Variants in DSCAM observed in about 807,000 individuals in gnomAD.
DSCAM encodes the protein cell adhesion molecule DSCAM.
DSCAM carries 47 observed loss-of-function variants against 217.7 expected under a neutral mutation model. The ratio of observed to expected loss-of-function variants is 0.22; its 90% CI spans 0.17 to 0.28. DSCAM has a LOEUF of 0.28. Among genes scored for constraint, DSCAM ranks in the 10% least tolerant of loss-of-function variants. The pLI is 1.00. For missense variants in DSCAM, 2,080 were observed against 2,618.3 expected (o/e 0.79, Z 4.49); for synonymous variants, 1,056 against 1,015.3 (o/e 1.04, Z -0.76).
chr21:40,698,869 TAAAA>T (rs56775350), intron 2 of DSCAM, among the ~76,000 whole-genome samples: 11,668 of 108,108 alleles, frequency 0.11, 598 homozygotes, highest in Middle Eastern at 0.19. Context: ...GAATCCGTCT[TAAAA>T]AAAAAAAAAA....
chr21:40,425,379 T>G (rs145457693), intron 3 of DSCAM, among the ~76,000 whole-genome samples: 530 of 151,984 alleles, frequency 3.5e-3, no homozygotes, highest in Non-Finnish European at 5.0e-3. Context: ...TAACAAAAAT[T>G]ATGAGTGAGA....
chr21:40,349,253 G>A (rs2074603083), intron 5 of DSCAM, among the ~76,000 whole-genome samples: 2 of 151,376 alleles, frequency 1.3e-5, no homozygotes, highest in Admixed American at 6.6e-5. Flanking sequence ...TTTGCCCTGG[G>A]CCATTCTCAC....
In DSCAM at chr21:40,276,435, C is replaced by T. The variant is rs1158563668; in HGVS notation, c.2183-165G>A. Among the ~76,000 whole-genome samples the T allele has an allele frequency of 2.0e-5, 3 of 152,142 alleles. No homozygotes were observed. The East Asian group carries it at 5.8e-4, about 29-fold the overall frequency. On this transcript the variant is annotated intron_variant, in intron 10 of 32. Coordinates refer to ENST00000400454, the MANE Select transcript of DSCAM (RefSeq NM_001389.5). ...CTTTCTTTCCTCCAGTATTAAAATT[C>T]TTGTTTAGAGAGAAAAGCATTTATT...
intron 20 of DSCAM, among the ~76,000 whole-genome samples, chr21:40,105,995 A>G (rs1485507777): frequency 6.6e-6 from 1 of 152,184 alleles, no homozygotes; most frequent in East Asian, 1.9e-4. Context: ...CCATTTTTAT[A>G]CTGCTATGAA....
At chr21:40,024,947 C>A (rs1197350723) in intron 32 of DSCAM, among the ~76,000 whole-genome samples, 27 of 89,878 alleles carry the variant, frequency 3.0e-4, no homozygotes, top group African/African-American at 1.0e-3. Context: ...CTGTCTTGTG[C>A]CAGTTTTCAA....
chr21:40,533,595 ACCTGTCTG>A (rs1330170738), intron 3 of DSCAM, among the ~76,000 whole-genome samples: 12,484 of 139,542 alleles, frequency 0.089, 1,097 homozygotes, highest in African/African-American at 0.24. Flanking sequence ...CCATCCATCC[ACCTGTCTG>A]TCCATCCATC....
At chr21:40,584,094 T>G in intron 3 of DSCAM, among the ~76,000 whole-genome samples, 1 of 152,178 alleles carries the variant, frequency 6.6e-6, no homozygotes, top group East Asian at 1.9e-4. Context: ...AGACCTCATT[T>G]GATCCCCACT....
At chr21:40,797,493 T>C (rs1417024934) in intron 1 of DSCAM, among the ~76,000 whole-genome samples, 1 of 152,176 alleles carries the variant, frequency 6.6e-6, no homozygotes, top group African/African-American at 2.4e-5. Context: ...AACACTAAGG[T>C]TTTTGACAGG....
intron 3 of DSCAM, among the ~76,000 whole-genome samples, chr21:40,466,015 T>G (rs999023805): frequency 3.9e-5 from 6 of 152,200 alleles, no homozygotes; most frequent in African/African-American, 1.4e-4. Context: ...TCAAAAAGAC[T>G]GTGAAACATG....
intron 3 of DSCAM, among the ~76,000 whole-genome samples, chr21:40,385,739 G>A (rs1180111187): frequency 6.6e-6 from 1 of 152,014 alleles, no homozygotes; most frequent in African/African-American, 2.4e-5. Context: ...TAAGCTTCTC[G>A]TCCCCCTCTG....
At chr21:40,173,012 T>A (rs1293872687) in intron 15 of DSCAM, among the ~76,000 whole-genome samples, 2 of 152,194 alleles carry the variant, frequency 1.3e-5, no homozygotes, top group Non-Finnish European at 2.9e-5. Context: ...TAACTACTTA[T>A]TAAATAAATG....
chr21:40,187,280 C>A (rs764115328), intron 13 of DSCAM, 21 bp from the exon 14 acceptor site: 1 of 1,613,002 alleles, frequency 6.2e-7, no homozygotes. Context: ...AACAGAAAGA[C>A]TACGAGTTAG....
At chr21:40,749,568 A>AT (rs1261437424) in intron 1 of DSCAM, among the ~76,000 whole-genome samples, 1 of 152,198 alleles carries the variant, frequency 6.6e-6, no homozygotes, top group Non-Finnish European at 1.5e-5. Flanking sequence ...CACACAAAAA[A>AT]TTTAACAAAT....
chr21:40,791,957 A>G (rs1225189534), intron 1 of DSCAM, among the ~76,000 whole-genome samples: 1 of 152,052 alleles, frequency 6.6e-6, no homozygotes, highest in African/African-American at 2.4e-5. Flanking sequence ...GTGAAAGACC[A>G]CAGACTCTGG....
At chr21:40,405,455 G>A (rs2075272379) in intron 3 of DSCAM, among the ~76,000 whole-genome samples, 1 of 152,170 alleles carries the variant, frequency 6.6e-6, no homozygotes, top group Non-Finnish European at 1.5e-5. Flanking sequence ...AATAATTTTT[G>A]TGTATTTGAC....
At chr21:40,824,402 G>GTTTTTTTTTTTT (rs2091951995) in intron 1 of DSCAM, among the ~76,000 whole-genome samples, 10 of 116,236 alleles carry the variant, frequency 8.6e-5, no homozygotes, top group African/African-American at 2.5e-4. Flanking sequence ...TTTTATTATT[G>GTTTTTTTTTTTT]ATTTTTTTTT....
intron 3 of DSCAM, among the ~76,000 whole-genome samples, chr21:40,601,399 A>C (rs897224030): frequency 6.6e-6 from 1 of 152,192 alleles, no homozygotes; most frequent in Non-Finnish European, 1.5e-5. Context: ...TATTAATTCC[A>C]GAAATTTTTT....
chr21:40,514,948 A>G (rs1303201954), intron 3 of DSCAM, among the ~76,000 whole-genome samples: 1 of 152,318 alleles, frequency 6.6e-6, no homozygotes, highest in Non-Finnish European at 1.5e-5. Context: ...GAAAAGCTAA[A>G]CTAATGCAGC....
chr21:40,316,646 C>T (rs1005691123), intron 8 of DSCAM, among the ~76,000 whole-genome samples: 3 of 152,074 alleles, frequency 2.0e-5, no homozygotes, highest in Admixed American at 6.6e-5. Context: ...TGACACACAC[C>T]GCTTTTGACA....
Sources: allele counts gnomAD v4.1 joint callset (sites outside exome capture counted in the v4.1 genomes callset), GRCh38; gene constraint gnomAD v4.1.1; transcripts MANE v1.5; gene names NCBI Gene and HGNC (gene_info 2026-07-23, HGNC 2026-07-21).